Variants in SNX8 observed in about 807,000 individuals in gnomAD.
SNX8 encodes the protein sorting nexin-8.
A neutral mutation model predicts 51.6 loss-of-function variants in SNX8; 25 were observed. The ratio of observed to expected loss-of-function variants is 0.48; its 90% CI spans 0.35 to 0.68. The LOEUF is 0.68. SNX8 is among the 30% of genes least tolerant of loss of function. SNX8 has a pLI of 0.00. For synonymous variants in SNX8, 324 were observed against 277.0 expected, an observed-to-expected ratio of 1.17 and a Z score of -1.68; for missense variants, 695 against 624.0, an observed-to-expected ratio of 1.11 and a Z score of -1.21.
chr7:2,319,719 G>C (rs1461461574), intron 1 of SNX8, among the ~76,000 whole-genome samples: 1 of 152,004 alleles, frequency 6.6e-6, no homozygotes, highest in Admixed American at 6.6e-5. Context: ...GGAGGCTAAG[G>C]CAGGAGAATG....
intron 7 of SNX8, among the ~76,000 whole-genome samples, chr7:2,261,969 G>A (rs1795347671): frequency 6.6e-6 from 1 of 152,220 alleles, no homozygotes; most frequent in East Asian, 1.9e-4. Context: ...AAACTAATAT[G>A]AGTAGCCTGG....
chr7:2,326,864 G>C (rs1055045264), intron 1 of SNX8, among the ~76,000 whole-genome samples: 2 of 152,088 alleles, frequency 1.3e-5, no homozygotes, highest in African/African-American at 4.8e-5. Flanking sequence ...CCAGCACTTT[G>C]GGAGGCCGAG....
At chr7:2,287,057 GA>G (rs1218204145) in intron 1 of SNX8, among the ~76,000 whole-genome samples, 1 of 151,374 alleles carries the variant, frequency 6.6e-6, no homozygotes, top group African/African-American at 2.4e-5. Context: ...AGAATTGCTT[GA>G]ACTCAGGAGG....
chr7:2,319,266 G>A (rs566155370), upstream of SNX8, among the ~76,000 whole-genome samples: 3 of 150,810 alleles, frequency 2.0e-5, no homozygotes, highest in African/African-American at 4.9e-5. Context: ...CACTTGACCC[G>A]GGGAGGCAGA....
In SNX8 at chr7:2,270,314, C is replaced by CAAAAAAAAAA. The variant is rs57983721; in HGVS notation, c.541-685_541-676dup. ...ATCATCTGACTCAACTCTCATTTTA[C>CAAAAAAAAAA]AAAAAAAAAAAAAAAAAAAAAAAAA... On this transcript the variant is annotated intron_variant, in intron 4 of 10. Coordinates refer to ENST00000222990, the MANE Select transcript of SNX8 (RefSeq NM_013321.4). Among the ~76,000 whole-genome samples, 8 of 57,082 alleles carry CAAAAAAAAAA rather than the reference C, an allele frequency of 1.4e-4. 2 individuals are homozygous for CAAAAAAAAAA. Among genetic ancestry groups the CAAAAAAAAAA allele is most frequent in the Admixed American group, 3.2e-4 (1 of 3,092 alleles). 37.4% of individuals were successfully genotyped at this position (57,082 alleles called of 152,430 possible).
chr7:2,260,497 A>C (rs2115096198), intron 7 of SNX8, among the ~76,000 whole-genome samples: 1 of 152,284 alleles, frequency 6.6e-6, no homozygotes, highest in East Asian at 1.9e-4. Context: ...CCATTAATGC[A>C]TGCGCCTTTA....
chr7:2,272,567 G>A (rs1380446520), intron 3 of SNX8, among the ~76,000 whole-genome samples: 1 of 151,864 alleles, frequency 6.6e-6, no homozygotes, highest in African/African-American at 2.4e-5. Flanking sequence ...GTAGAGATGG[G>A]GTTTCACCAT....
chr7:2,256,363 C>A (rs1369385512), intron 10 of SNX8, among the ~76,000 whole-genome samples: 1 of 152,360 alleles, frequency 6.6e-6, no homozygotes, highest in East Asian at 1.9e-4. Context: ...TAATTTCAGC[C>A]GGGCACAAGG....
chr7:2,347,149 A>G (rs1028657346), intron 1 of SNX8, among the ~76,000 whole-genome samples: 1 of 151,954 alleles, frequency 6.6e-6, no homozygotes, highest in African/African-American at 2.4e-5. Context: ...ACATAGCTAG[A>G]CACCCTCCGC....
At chr7:2,332,823 AAAGG>A (rs551341838) in intron 1 of SNX8, among the ~76,000 whole-genome samples, 7 of 150,602 alleles carry the variant, frequency 4.6e-5, no homozygotes, top group Admixed American at 1.3e-4. Context: ...AAAGAGAAAG[AAAGG>A]AAGGAAGGAA....
At chr7:2,255,909 G>A (rs1795165856) in intron 10 of SNX8, among the ~76,000 whole-genome samples, 2 of 152,360 alleles carry the variant, frequency 1.3e-5, no homozygotes, top group South Asian at 2.1e-4. Flanking sequence ...GGTGGCCAGA[G>A]AAGGGCAGGG....
In SNX8 at chr7:2,314,393, G is replaced by C. The variant is rs1214918422; in HGVS notation, c.29C>G (p.Pro10Arg). MTGRAMDPL[P>R]AAAVGAAAEA... ...AGCTGCCGCCCCGACTGCAGCCGCGGGCAGCGGGTCCATCGCGCGGCCAGT... is the reference window on the plus strand; with the variant it reads ...AGCTGCCGCCCCGACTGCAGCCGCGCGCAGCGGGTCCATCGCGCGGCCAGT... Residue 10 changes from proline (P) to arginine (R), a missense_variant, in exon 1 of 11, where the codon CCC becomes CGC. Transcript: ENST00000222990. The C allele has an allele frequency of 8.2e-7, 1 of 1,220,788 alleles. No homozygotes were observed. The highest frequency in any genetic ancestry group is 1.6e-5 in the African/African-American group (1 of 63,862). The allele number at this position is 1,220,788 out of a possible 1,614,324, so 75.6% of individuals were successfully genotyped here.
At chr7:2,343,026 C>T (rs1043810191) in intron 1 of SNX8, among the ~76,000 whole-genome samples, 1 of 151,792 alleles carries the variant, frequency 6.6e-6, no homozygotes, top group Non-Finnish European at 1.5e-5. Flanking sequence ...AACTCCTGAC[C>T]TTAGGTGATC....
At chr7:2,278,381 G>A in intron 1 of SNX8, 76 bp from the exon 2 acceptor site, 1 of 928,206 alleles carries the variant, frequency 1.1e-6, no homozygotes, top group Admixed American at 2.7e-5. Flanking sequence ...CAGTGGCGCA[G>A]CCCTGTAATC....
chr7:2,321,314 A>G (rs1489597239), intron 1 of SNX8, among the ~76,000 whole-genome samples: 1 of 152,116 alleles, frequency 6.6e-6, no homozygotes, highest in Non-Finnish European at 1.5e-5. Flanking sequence ...GGATCCCTCT[A>G]GTGTTTGGAG....
intron 9 of SNX8, 30 bp from the exon 10 acceptor site, chr7:2,257,053 C>A: frequency 1.3e-6 from 2 of 1,571,518 alleles, no homozygotes; most frequent in South Asian, 1.2e-5. Context: ...CTTTCGCACC[C>A]GGCCCAGCCG....
At chr7:2,305,713 G>T (rs1009678091) in intron 1 of SNX8, among the ~76,000 whole-genome samples, 1 of 151,932 alleles carries the variant, frequency 6.6e-6, no homozygotes, top group African/African-American at 2.4e-5. Flanking sequence ...GCACAGAAAG[G>T]ACTATAAAAC....
chr7:2,254,844 A>T lies in SNX8; in HGVS notation c.*212T>A, dbSNP rs368766372. 3.5e-5 allele frequency: 21 copies of T among 593,502 alleles called. No homozygotes were observed. The highest frequency in any genetic ancestry group is 4.5e-4 in the Middle Eastern group (1 of 2,246). 36.8% of individuals were successfully genotyped at this position (593,502 alleles called of 1,614,324 possible). A position where few individuals can be genotyped will look rare whatever the true frequency, so the allele number is the denominator to read the frequency against. ...CCCCACCACCTCTCTCGACCAGGCT[A>T]GCAGGCCACAGGGCGAAGGACAGTG... On this transcript the variant is annotated 3_prime_UTR_variant, in exon 11 of 11. Coordinates refer to ENST00000222990, the MANE Select transcript of SNX8 (RefSeq NM_013321.4).
At chr7:2,332,181 T>G (rs1488743338) in intron 1 of SNX8, among the ~76,000 whole-genome samples, 1 of 151,616 alleles carries the variant, frequency 6.6e-6, no homozygotes, top group African/African-American at 2.4e-5. Context: ...TACTCCAGCC[T>G]GGGTGACAGA....
Sources: gnomAD v4.1 joint callset for allele counts (sites outside exome capture counted in the v4.1 genomes callset) on GRCh38, gnomAD v4.1.1 for gene constraint, MANE v1.5 for transcripts, NCBI Gene and HGNC (gene_info 2026-07-23, HGNC 2026-07-21) for gene names.